Variants in KCNC1 observed in about 807,000 individuals in gnomAD.
The protein encoded by KCNC1 is voltage-gated potassium channel KCNC1.
KCNC1 carries 8 observed loss-of-function variants against 43.4 expected under a neutral mutation model. The observed-to-expected ratio is 0.18, with a 90% CI of 0.11 to 0.33. The LOEUF (loss-of-function observed/expected upper bound fraction) is 0.33. Ranked by LOEUF, KCNC1 falls within the 10% of genes least tolerant of loss-of-function variation. The probability of loss-of-function intolerance (pLI) is 1.00; values close to 1 mark genes in which losing one functional copy is unlikely to be tolerated. For missense variants in KCNC1, 420 were observed against 836.0 expected (o/e 0.50, Z 6.14); for synonymous variants, 361 against 360.5 (o/e 1.00, Z -0.01).
In KCNC1 at chr11:17,777,998, C is replaced by T. The variant is rs1849304555; in HGVS notation, c.1505-1458C>T. 6.6e-6 allele frequency among the ~76,000 whole-genome samples: 1 copy of T among 152,108 alleles called. No individual in the cohort carries two copies. The highest frequency in any genetic ancestry group is 2.4e-5 in the African/African-American group (1 of 41,430). On this transcript the variant is annotated intron_variant, in intron 2 of 3. Coordinates refer to ENST00000265969, the MANE Select transcript of KCNC1 (RefSeq NM_001112741.2). This position sits in a 1 kb window ranked among gnomAD's most constrained non-coding sequence, Gnocchi z 4.3. ...GGTGGACATTGTCTCCAGCCTTTTC[C>T]CCCCACTCTACTCTTTCAGAGAGCC...
chr11:17,738,982 G>T (rs570781192), intron 1 of KCNC1, among the ~76,000 whole-genome samples: 1 of 152,210 alleles, frequency 6.6e-6, no homozygotes, highest in Non-Finnish European at 1.5e-5. Flanking sequence ...AAGGGCACTC[G>T]GGAGCTGAGG....
intron 1 of KCNC1, among the ~76,000 whole-genome samples, chr11:17,756,346 ACTC>A (rs2133792013): frequency 6.7e-6 from 1 of 149,822 alleles, no homozygotes; most frequent in Non-Finnish European, 1.5e-5. Flanking sequence ...CCCCTCTCCT[ACTC>A]CTCCCCCAAG....
In KCNC1 at chr11:17,735,713, C is replaced by T. The variant is rs1848756162; in HGVS notation, c.-290C>T. ...CCTCCCTTTCTCCCTCCCTTTCTCC[C>T]TCCCTTCTTTCCTCCTCTGCCTCCT... On this transcript the variant is annotated 5_prime_UTR_variant, in exon 1 of 4. Coordinates refer to ENST00000265969, the MANE Select transcript of KCNC1 (RefSeq NM_001112741.2). This position sits in a 1 kb window ranked among gnomAD's most constrained non-coding sequence, Gnocchi z 6.7. 1 of 175,384 alleles carries T rather than the reference C, an allele frequency of 5.7e-6. No individual in the cohort carries two copies. The highest frequency in any genetic ancestry group is 1.2e-5 in the Non-Finnish European group (1 of 85,024). The allele number at this position is 175,384 out of a possible 1,614,324, so 10.9% of individuals were successfully genotyped here.
In KCNC1 at chr11:17,736,489, G is replaced by A. The variant is rs570508576; in HGVS notation, c.487G>A (p.Gly163Ser). Reference protein sequence around the residue: ...KRLALSDSPDGRPGGFWRRWQ... With the variant: ...KRLALSDSPDSRPGGFWRRWQ... ...CCTGGCGCTCAGTGACTCCCCGGAT[G>A]GCCGGCCTGGCGGCTTTTGGCGCCG... The change falls in exon 1 of 4, where the codon GGC becomes AGC. Residue 163 changes from glycine (G) to serine (S), a missense_variant. Coordinates refer to ENST00000265969, the MANE Select transcript of KCNC1 (RefSeq NM_001112741.2). This position sits in a 1 kb window ranked among gnomAD's most constrained non-coding sequence, Gnocchi z 9.3. 1.3e-6 allele frequency: 2 copies of A among 1,594,868 alleles called. No individual in the cohort carries two copies. Among genetic ancestry groups the A allele is most frequent in the Admixed American group, 1.7e-5 (1 of 58,818 alleles).
chr11:17,775,724 G>T (rs574477819), intron 2 of KCNC1: 2 of 985,746 alleles, frequency 2.0e-6, no homozygotes, highest in African/African-American at 1.7e-5. Flanking sequence ...TTGTGGTGCC[G>T]CGTCCAGGGC....
intron 1 of KCNC1, among the ~76,000 whole-genome samples, chr11:17,768,743 A>T (rs1849187724): frequency 6.6e-6 from 1 of 151,994 alleles, no homozygotes. Context: ...CCGTTCGGTC[A>T]TCCACAGTGT....
chr11:17,759,590 C>T (rs983313607), intron 1 of KCNC1, among the ~76,000 whole-genome samples: 2 of 152,040 alleles, frequency 1.3e-5, no homozygotes, highest in Non-Finnish European at 2.9e-5. Context: ...TTCACTAGAC[C>T]ACCTAGAGAC....
rs1341612139 is a variant in KCNC1, at chr11:17,739,364, TGTGTGTG to T, written c.570+2793_570+2799del. Reference sequence around the variant, plus strand: ...GAGAATAAATGTGAGACTCCAGGCGTGTGTGTGTGTGTGTGTGTGTGTGTGTGTGTGT... The same window carrying T: ...GAGAATAAATGTGAGACTCCAGGCGTTGTGTGTGTGTGTGTGTGTGTGTGT... On this transcript the variant is annotated intron_variant, in intron 1 of 3. Coordinates refer to ENST00000265969, the MANE Select transcript of KCNC1 (RefSeq NM_001112741.2). The surrounding 1 kb of genome is among the most constrained non-coding windows in gnomAD (Gnocchi z 4.2). Among the ~76,000 whole-genome samples the T allele has an allele frequency of 7.4e-4, 4 of 5,414 alleles. No homozygotes were observed. Among genetic ancestry groups the T allele is most frequent in the African/African-American group, 1.0e-3 (4 of 3,910 alleles). The allele number at this position is 5,414 out of a possible 152,430, so 3.6% of individuals were successfully genotyped here.
chr11:17,776,656 TG>T lies in KCNC1; in HGVS notation c.1505-2797del. 1.0e-6 allele frequency: 1 copy of T among 984,724 alleles called. No homozygotes were observed. Among genetic ancestry groups the T allele is most frequent in the Non-Finnish European group, 1.2e-6 (1 of 829,662 alleles). 61.0% of individuals were successfully genotyped at this position (984,724 alleles called of 1,614,324 possible). A position where few individuals can be genotyped will look rare whatever the true frequency, so the allele number is the denominator to read the frequency against. On this transcript the variant is annotated intron_variant, in intron 2 of 3. Coordinates refer to ENST00000265969, the MANE Select transcript of KCNC1 (RefSeq NM_001112741.2). This position sits in a 1 kb window ranked among gnomAD's most constrained non-coding sequence, Gnocchi z 4.4. ...GGGTCTAGTGGGGGCCTGGGGGCCC[TG>T]GGCTGGGGGAGGCAGGGCCCCCAGC...
Position 17,772,564 on chromosome 11 carries a change from G to A in KCNC1, c.1470G>A (p.Leu490=). The A allele has an allele frequency of 1.9e-6, 3 of 1,613,234 alleles. No individual in the cohort carries two copies. The highest frequency in any genetic ancestry group is 2.5e-6 in the Non-Finnish European group (3 of 1,179,388). The change falls in exon 2 of 4, where the codon CTG becomes CTA. Residue 490 remains leucine, a synonymous_variant. Transcript: ENST00000265969. ...GTACTCAGAGTGACACATGTCCGCT[G>A]GCCCAGGAAGAAATTTTAGAAATTA... The part of the protein sequence containing the change: ...HHSTQSDTCP[L]AQEEILEINR...
At chr11:17,763,051 C>A (rs903889367) in intron 1 of KCNC1, among the ~76,000 whole-genome samples, 1 of 152,206 alleles carries the variant, frequency 6.6e-6, no homozygotes, top group Non-Finnish European at 1.5e-5. Flanking sequence ...CCTGCCACCT[C>A]GGGATGGGCC....
At chr11:17,770,559 T>C (rs995037840) in intron 1 of KCNC1, among the ~76,000 whole-genome samples, 2 of 152,164 alleles carry the variant, frequency 1.3e-5, no homozygotes, top group Admixed American at 1.3e-4. Flanking sequence ...CTCAGAAAGC[T>C]GCTTGATTCT....
Position 17,777,032 on chromosome 11 carries a change from G to C in KCNC1, c.1505-2424G>C. On this transcript the variant is annotated intron_variant, in intron 2 of 3. Transcript: ENST00000265969. The surrounding 1 kb of genome is among the most constrained non-coding windows in gnomAD (Gnocchi z 4.3). ...TCCCGGGAATCCCCCAGGAGGGAAAGGTGCCAGGCTATCATCCCTCCAGGG... is the reference window on the plus strand; with the variant it reads ...TCCCGGGAATCCCCCAGGAGGGAAACGTGCCAGGCTATCATCCCTCCAGGG... 2 of 985,352 alleles carry C rather than the reference G, an allele frequency of 2.0e-6. No homozygotes were observed. Among genetic ancestry groups the C allele is most frequent in the Non-Finnish European group, 2.4e-6 (2 of 829,950 alleles). 61.0% of individuals were successfully genotyped at this position (985,352 alleles called of 1,614,324 possible).
chr11:17,744,761 G>A (rs1297970362), intron 1 of KCNC1, among the ~76,000 whole-genome samples: 1 of 152,064 alleles, frequency 6.6e-6, no homozygotes, highest in African/African-American at 2.4e-5. Context: ...GGCTGGGTAG[G>A]GGTGTTTGCG....
chr11:17,779,288 C>A lies in KCNC1; in HGVS notation c.1505-168C>A. ...GGCTGCCTGAATGAGCTGAACCCCC[C>A]ACCAAGCCCCCTGCCTTGTGCCCTC... On this transcript the variant is annotated intron_variant, in intron 2 of 3. Transcript: ENST00000265969. This position sits in a 1 kb window ranked among gnomAD's most constrained non-coding sequence, Gnocchi z 7.2. 1.7e-6 allele frequency: 1 copy of A among 575,372 alleles called. No homozygotes were observed. The highest frequency in any genetic ancestry group is 3.0e-6 in the Non-Finnish European group (1 of 332,990). The allele number at this position is 575,372 out of a possible 1,614,324, so 35.6% of individuals were successfully genotyped here. A position where few individuals can be genotyped will look rare whatever the true frequency, so the allele number is the denominator to read the frequency against.
At chr11:17,745,154 G>A (rs557669620) in intron 1 of KCNC1, among the ~76,000 whole-genome samples, 1 of 152,284 alleles carries the variant, frequency 6.6e-6, no homozygotes, top group African/African-American at 2.4e-5. Context: ...TGCAGGCAGC[G>A]GCTCCAGTCG....
intron 1 of KCNC1, among the ~76,000 whole-genome samples, chr11:17,764,032 C>T (rs1290087542): frequency 2.1e-5 from 3 of 143,312 alleles, no homozygotes; most frequent in Non-Finnish European, 3.1e-5. Context: ...CACATATACA[C>T]GCCCACACAC....
At chr11:17,774,801 A>G (rs1453891630) in intron 2 of KCNC1, 3 of 984,386 alleles carry the variant, frequency 3.0e-6, no homozygotes, top group Non-Finnish European at 1.2e-6. Flanking sequence ...CCCGTCACCA[A>G]CTGTGCTCCC....
chr11:17,756,899 A>G (rs757789361), intron 1 of KCNC1, among the ~76,000 whole-genome samples: 1 of 152,214 alleles, frequency 6.6e-6, no homozygotes, highest in Non-Finnish European at 1.5e-5. Context: ...AGTGGAAGTA[A>G]TAGAGCATAG....
Sources: allele counts gnomAD v4.1 joint callset (sites outside exome capture counted in the v4.1 genomes callset), GRCh38; gene constraint gnomAD v4.1.1; non-coding constraint Gnocchi (gnomAD v3.1); transcripts MANE v1.5; gene names NCBI Gene and HGNC (gene_info 2026-07-23, HGNC 2026-07-21).